Variants in BICD1 observed in about 807,000 individuals in gnomAD.
The protein encoded by BICD1 is protein bicaudal D homolog 1.
In BICD1, 35 loss-of-function variants were observed where a neutral mutation model predicts 92.5. That is an observed-to-expected ratio of 0.38 (90% CI 0.29 to 0.50). The LOEUF (loss-of-function observed/expected upper bound fraction) is 0.50, where lower values mean the gene tolerates loss of function less well. Ranked by LOEUF, BICD1 falls within the 20% of genes least tolerant of loss-of-function variation. The probability of loss-of-function intolerance (pLI) is 0.93; values close to 1 mark genes in which losing one functional copy is unlikely to be tolerated. For missense variants in BICD1, 950 were observed against 1,189.8 expected, an observed-to-expected ratio of 0.80 and a Z score of 2.97; for synonymous variants, 429 against 465.1, an observed-to-expected ratio of 0.92 and a Z score of 1.00.
chr12:32,347,953 A>T lies in BICD1; in HGVS notation c.2764+8974A>T, dbSNP rs184784162. Among the ~76,000 whole-genome samples, 17 of 152,340 alleles carry T rather than the reference A, an allele frequency of 1.1e-4. No homozygotes were observed. In the East Asian group the frequency reaches 3.3e-3, roughly 29 times the overall value. On this transcript the variant is annotated intron_variant, in intron 8 of 9. Coordinates refer to ENST00000652176, the MANE Select transcript of BICD1 (RefSeq NM_001714.4). ...AACACATCAAAGTCTTTCAAGGTTG[A>T]TTATTTCTTGTGCCTTCCTTCTTCC...
chr12:32,145,717 T>G lies in BICD1; in HGVS notation c.213+38173T>G, dbSNP rs540046286. On this transcript the variant is annotated intron_variant, in intron 1 of 9. Transcript: ENST00000652176. ...GAAGTCTTTCAGTTTATTTTAAGGC[T>G]GGAGTGAATATTATTTTTGTAAATG... 1.6e-4 allele frequency among the ~76,000 whole-genome samples: 25 copies of G among 152,322 alleles called. 1 individual carries two copies. In the South Asian group the frequency reaches 4.6e-3, roughly 28 times the overall value.
chr12:32,129,388 G>A (rs1942455195), intron 1 of BICD1, among the ~76,000 whole-genome samples: 1 of 151,610 alleles, frequency 6.6e-6, no homozygotes, highest in Admixed American at 6.6e-5. Context: ...AGCCAGGTAT[G>A]GTGGCACATG....
chr12:32,303,926 T>A (rs1375428430), intron 3 of BICD1, among the ~76,000 whole-genome samples: 1 of 152,058 alleles, frequency 6.6e-6, no homozygotes, highest in African/African-American at 2.4e-5. Context: ...TACAAAAAAA[T>A]TAGCCAGGCG....
intron 1 of BICD1, among the ~76,000 whole-genome samples, chr12:32,124,588 G>A (rs1798613): frequency 0.29 from 43,981 of 152,066 alleles, 6,594 homozygotes; most frequent in Admixed American, 0.43. Context: ...AAATAATAAT[G>A]TGTTGGCTGT....
chr12:32,171,955 AC>A (rs1321238318), intron 1 of BICD1, among the ~76,000 whole-genome samples: 1 of 49,046 alleles, frequency 2.0e-5, no homozygotes, highest in African/African-American at 6.9e-5. Flanking sequence ...ACACACACAC[AC>A]ACACACACAC....
At chr12:32,166,105 C>T (rs1169435734) in intron 1 of BICD1, among the ~76,000 whole-genome samples, 9 of 121,950 alleles carry the variant, frequency 7.4e-5, no homozygotes, top group Admixed American at 2.7e-4. Context: ...TGTCTGGAGA[C>T]ATTTATTTAT....
At chr12:32,266,150 G>A (rs937791928) in intron 2 of BICD1, among the ~76,000 whole-genome samples, 1 of 152,106 alleles carries the variant, frequency 6.6e-6, no homozygotes, top group African/African-American at 2.4e-5. Context: ...CTAGGTCATA[G>A]CCCTGTAGTT....
At chr12:32,155,805 A>T (rs1434744317) in intron 1 of BICD1, among the ~76,000 whole-genome samples, 1 of 152,224 alleles carries the variant, frequency 6.6e-6, no homozygotes, top group Non-Finnish European at 1.5e-5. Flanking sequence ...TATAAAAGTG[A>T]TTTATAATCT....
At chr12:32,305,154 T>A (rs1011708683) in intron 3 of BICD1, among the ~76,000 whole-genome samples, 1 of 152,236 alleles carries the variant, frequency 6.6e-6, no homozygotes, top group African/African-American at 2.4e-5. Context: ...CATTTTCATC[T>A]TACTCTCAAA....
intron 1 of BICD1, among the ~76,000 whole-genome samples, chr12:32,185,362 T>A (rs914949133): frequency 9.9e-5 from 15 of 152,228 alleles, no homozygotes; most frequent in Non-Finnish European, 2.2e-4. Context: ...TAGACTAAAT[T>A]ATGCTGTGGT....
intron 1 of BICD1, among the ~76,000 whole-genome samples, chr12:32,191,233 A>G (rs1944556932): frequency 6.6e-6 from 1 of 152,228 alleles, no homozygotes; most frequent in African/African-American, 2.4e-5. Context: ...TGGAGCAAAA[A>G]GAAGCTAAGG....
chr12:32,327,047 A>G (rs1440920774), intron 4 of BICD1, among the ~76,000 whole-genome samples: 4 of 152,218 alleles, frequency 2.6e-5, no homozygotes, highest in African/African-American at 4.8e-5. Context: ...TGATTGATTC[A>G]TAGGCACCCT....
intron 2 of BICD1, among the ~76,000 whole-genome samples, chr12:32,218,428 T>G (rs1002381731): frequency 6.6e-6 from 1 of 152,150 alleles, no homozygotes; most frequent in African/African-American, 2.4e-5. Context: ...TAATTTGCAT[T>G]TCTAACAAGT....
intron 8 of BICD1, chr12:32,340,620 A>T: frequency 4.5e-6 from 3 of 662,014 alleles, no homozygotes; most frequent in Non-Finnish European, 5.6e-6. Context: ...AACTGTTTTC[A>T]TTTTTGTATG....
At chr12:32,132,549 C>G (rs575740486) in intron 1 of BICD1, among the ~76,000 whole-genome samples, 1 of 152,144 alleles carries the variant, frequency 6.6e-6, no homozygotes, top group South Asian at 2.1e-4. Flanking sequence ...TGGCTCAATG[C>G]GGGACGGTTA....
intron 2 of BICD1, among the ~76,000 whole-genome samples, chr12:32,293,352 C>G (rs896007974): frequency 6.6e-6 from 1 of 152,054 alleles, no homozygotes; most frequent in African/African-American, 2.4e-5. Flanking sequence ...GAGTCTTGCT[C>G]TGTTGCCCAG....
chr12:32,316,623 A>G (rs1281107090), intron 4 of BICD1, among the ~76,000 whole-genome samples: 1 of 152,036 alleles, frequency 6.6e-6, no homozygotes, highest in African/African-American at 2.4e-5. Flanking sequence ...TTTTCAATTT[A>G]CAATGGTTTT....
At chr12:32,286,827 G>A (rs1047660917) in intron 2 of BICD1, among the ~76,000 whole-genome samples, 16 of 152,068 alleles carry the variant, frequency 1.1e-4, no homozygotes, top group African/African-American at 3.6e-4. Flanking sequence ...AGGATAACAA[G>A]GCAGCAAAGG....
intron 6 of BICD1, 149 bp downstream of exon 6, chr12:32,334,816 G>C (rs2291420): frequency 3.7e-6 from 3 of 812,684 alleles, no homozygotes; most frequent in Admixed American, 3.2e-5. Context: ...CCACTCTGAC[G>C]TATCTAAAAG....
Sources: allele counts gnomAD v4.1 joint callset (sites outside exome capture counted in the v4.1 genomes callset), GRCh38; gene constraint gnomAD v4.1.1; transcripts MANE v1.5; gene names NCBI Gene and HGNC (gene_info 2026-07-23, HGNC 2026-07-21).